The following VAMP4 variants were observed in gnomAD, a reference collection of about 807,000 sequenced individuals.
VAMP4 encodes the protein vesicle-associated membrane protein 4.
Under a neutral mutation model 23.5 loss-of-function variants are expected in VAMP4, and 19 were observed. That is an observed-to-expected ratio of 0.81 (90% CI 0.56 to 1.19). The LOEUF is 1.19. Among genes scored for constraint, VAMP4 ranks in the 50% most tolerant of loss-of-function variants. The pLI, the probability that VAMP4 is intolerant of heterozygous loss-of-function variation, is 0.00. For missense variants in VAMP4, 145 were observed against 168.6 expected, an observed-to-expected ratio of 0.86 and a Z score of 0.78; for synonymous variants, 31 against 51.0, an observed-to-expected ratio of 0.61 and a Z score of 1.67.
chr1:171,724,312 G>A (rs773107643), intron 3 of VAMP4, among the ~76,000 whole-genome samples: 9 of 130,240 alleles, frequency 6.9e-5, no homozygotes, highest in African/African-American at 1.7e-4. Context: ...ATCACACACC[G>A]GGTCCTGTCA....
In VAMP4 at chr1:171,703,446, TATATATATATATATATATATATAC is replaced by T. The variant is rs1406131754; in HGVS notation, c.*1036_*1059del. On this transcript the variant is annotated 3_prime_UTR_variant, in exon 8 of 8. Coordinates refer to ENST00000236192, the MANE Select transcript of VAMP4 (RefSeq NM_003762.5). ...GTGTGTATATATATATATATATATA[TATATATATATATATATATATATAC>T]ACATAGGTTCCTGACTTTCTACTAC... 9 of 94,124 alleles carry T rather than the reference TATATATATATATATATATATATAC, an allele frequency of 9.6e-5. No individual in the cohort carries two copies. The highest frequency in any genetic ancestry group is 3.4e-4 in the African/African-American group (9 of 26,484). 5.8% of individuals were successfully genotyped at this position (94,124 alleles called of 1,614,324 possible). A position where few individuals can be genotyped will look rare whatever the true frequency, so the allele number is the denominator to read the frequency against.
chr1:171,721,405 CAGT>C (rs1308388423), intron 3 of VAMP4, among the ~76,000 whole-genome samples: 1 of 152,022 alleles, frequency 6.6e-6, no homozygotes, highest in Non-Finnish European at 1.5e-5. Context: ...GTTGAAAATC[CAGT>C]AGGATATATA....
At position 171,710,272 on chromosome 1, in the gene VAMP4, C is replaced by CAGGTAT. The variant is rs549414034; in HGVS notation, c.265+436_265+441dup. 5.1e-3 allele frequency among the ~76,000 whole-genome samples: 765 copies of CAGGTAT among 151,204 alleles called. 8 individuals are homozygous for CAGGTAT. The highest frequency in any genetic ancestry group is 0.014 in the Middle Eastern group (4 of 292). ...CAATATTTGAGTGGCAAGTACGTGC[C>CAGGTAT]AGGTATAGGTATAGGTATAGGTATA... On this transcript the variant is annotated intron_variant, in intron 5 of 7. Transcript: ENST00000236192.
rs201077553 is a variant in VAMP4 at position 171,703,827 on chromosome 1, T to G, written c.*679A>C. 5 of 152,424 alleles carry G rather than the reference T, an allele frequency of 3.3e-5. No homozygotes were observed. The East Asian group carries it at 9.7e-4, about 29-fold the overall frequency. 9.4% of individuals were successfully genotyped at this position (152,424 alleles called of 1,614,324 possible). Reference sequence around the variant, plus strand: ...GACACTCTTCAATAACTTTATTATCTCCAGTTTTATGATGCCATACCATGT... The same window carrying G: ...GACACTCTTCAATAACTTTATTATCGCCAGTTTTATGATGCCATACCATGT... On this transcript the variant is annotated 3_prime_UTR_variant, in exon 8 of 8. Transcript: ENST00000236192.
At position 171,723,357 on chromosome 1, in the gene VAMP4, C is replaced by G. The variant is rs1307639453; in HGVS notation, c.114-4136G>C. 4.6e-5 allele frequency among the ~76,000 whole-genome samples: 7 copies of G among 152,290 alleles called. No individual in the cohort carries two copies. The East Asian group carries it at 1.2e-3, about 25-fold the overall frequency. On this transcript the variant is annotated intron_variant, in intron 3 of 7. Coordinates refer to ENST00000236192, the MANE Select transcript of VAMP4 (RefSeq NM_003762.5). ...TTTACTGGGCAGGAATTTCCTCGTT[C>G]TAATAGGCCTGGGAGACCAGGGCTT...
intron 3 of VAMP4, among the ~76,000 whole-genome samples, chr1:171,726,537 TTA>T (rs1655377618): frequency 6.6e-6 from 1 of 152,210 alleles, no homozygotes; most frequent in Non-Finnish European, 1.5e-5. Context: ...AACTAATTTT[TTA>T]TGAGATACCA....
chr1:171,734,946 G>A lies in VAMP4; in HGVS notation c.66+3403C>T, dbSNP rs531386383. On this transcript the variant is annotated intron_variant, in intron 2 of 7. Transcript: ENST00000236192. Reference sequence around the variant, plus strand: ...TTTAAGGTTTACTATTGTTTTTCTTGAAGTAATTTTTCCTGCCCTTGTTAT... The same window carrying A: ...TTTAAGGTTTACTATTGTTTTTCTTAAAGTAATTTTTCCTGCCCTTGTTAT... 3.9e-5 allele frequency among the ~76,000 whole-genome samples: 6 copies of A among 152,110 alleles called. No homozygotes were observed. The East Asian group carries it at 9.7e-4, about 24-fold the overall frequency.
intron 4 of VAMP4, among the ~76,000 whole-genome samples, chr1:171,712,879 T>A (rs1276993547): frequency 6.6e-6 from 1 of 152,260 alleles, no homozygotes; most frequent in Non-Finnish European, 1.5e-5. Context: ...GAACATATTA[T>A]GTTGAATGCA....
In VAMP4 at chr1:171,702,379, T is replaced by C. The variant is rs141118745; in HGVS notation, c.*2127A>G. 31 of 152,118 alleles carry C rather than the reference T, an allele frequency of 2.0e-4. No individual in the cohort carries two copies. The highest frequency in any genetic ancestry group is 6.5e-4 in the African/African-American group (27 of 41,558). The allele number at this position is 152,118 out of a possible 1,614,324, so 9.4% of individuals were successfully genotyped here. ...TTTAAATTACAAAGACAGTGACATA[T>C]ATATTGTCAAAAAATTTTACTGTTA... On this transcript the variant is annotated 3_prime_UTR_variant, in exon 8 of 8. Transcript: ENST00000236192.
At chr1:171,722,601 G>A (rs192730472) in intron 3 of VAMP4, among the ~76,000 whole-genome samples, 1 of 152,280 alleles carries the variant, frequency 6.6e-6, no homozygotes, top group African/African-American at 2.4e-5. Context: ...CGAAGGATAT[G>A]AACAGACACT....
At chr1:171,706,333 T>C (rs770848738) in intron 7 of VAMP4, 34 bp downstream of exon 7, 2 of 1,573,536 alleles carry the variant, frequency 1.3e-6, no homozygotes. Flanking sequence ...AAATAAATGA[T>C]ACCCTAGGAA....
intron 2 of VAMP4, among the ~76,000 whole-genome samples, chr1:171,734,212 G>A (rs1465564323): frequency 6.9e-6 from 1 of 145,078 alleles, no homozygotes; most frequent in Non-Finnish European, 1.5e-5. Flanking sequence ...AGGTTGCAGT[G>A]AGCCGAGATC....
At chr1:171,737,830 T>C (rs1299016450) in intron 2 of VAMP4, among the ~76,000 whole-genome samples, 2 of 152,198 alleles carry the variant, frequency 1.3e-5, no homozygotes. Context: ...AGAAAGAAGC[T>C]ATGAGAATAA....
In VAMP4 at chr1:171,738,406, G is replaced by A; in HGVS notation, c.9C>T (p.Pro3=). 10 of 1,614,094 alleles carry A rather than the reference G, an allele frequency of 6.2e-6. No homozygotes were observed. The highest frequency in any genetic ancestry group is 8.5e-6 in the Non-Finnish European group (10 of 1,179,988). ...CATCATTGAGGTGGCGCTTAAACTTGGGAGGCATATTTTTTACTTGCAAAG... is the reference window on the plus strand; with the variant it reads ...CATCATTGAGGTGGCGCTTAAACTTAGGAGGCATATTTTTTACTTGCAAAG... MP[P]KFKRHLNDDD... The change falls in exon 2 of 8, where the codon CCC becomes CCT. Residue 3 remains proline (P), a synonymous_variant. Transcript: ENST00000236192.
intron 2 of VAMP4, 120 bp downstream of exon 2, chr1:171,738,229 A>G (rs976484229): frequency 9.5e-7 from 1 of 1,048,946 alleles, no homozygotes; most frequent in African/African-American, 1.6e-5. Context: ...TCAGCGTCCC[A>G]AGTGCGGCGA....
intron 3 of VAMP4, among the ~76,000 whole-genome samples, chr1:171,726,617 C>T (rs1431212051): frequency 6.6e-6 from 1 of 152,166 alleles, no homozygotes; most frequent in East Asian, 1.9e-4. Context: ...TGGCCATATT[C>T]CCCCAGTTTC....
chr1:171,711,815 T>G (rs1214630932), intron 4 of VAMP4, among the ~76,000 whole-genome samples: 4 of 152,194 alleles, frequency 2.6e-5, no homozygotes, highest in African/African-American at 9.6e-5. Flanking sequence ...ACTACAGACA[T>G]GTACTGCATA....
chr1:171,709,600 C>G, intron 6 of VAMP4, 65 bp downstream of exon 6: 9 of 1,473,798 alleles, frequency 6.1e-6, no homozygotes, highest in Admixed American at 1.7e-5. Context: ...GCCCTTTTTT[C>G]TTCATGTGTT....
intron 2 of VAMP4, among the ~76,000 whole-genome samples, chr1:171,735,441 C>T (rs1196341652): frequency 6.6e-6 from 1 of 152,164 alleles, no homozygotes; most frequent in Non-Finnish European, 1.5e-5. Context: ...GGTGATTTTA[C>T]TACATACATT....
Sources: gnomAD v4.1 joint callset for allele counts (sites outside exome capture counted in the v4.1 genomes callset) on GRCh38, gnomAD v4.1.1 for gene constraint, MANE v1.5 for transcripts, NCBI Gene and HGNC (gene_info 2026-07-23, HGNC 2026-07-21) for gene names.